Variants in C12orf42 observed in about 807,000 individuals in gnomAD.
The protein encoded by C12orf42 is uncharacterized protein C12orf42.
In C12orf42, 25 loss-of-function variants were observed where a neutral mutation model predicts 21.6. The ratio of observed to expected loss-of-function variants is 1.16; its 90% confidence interval spans 0.84 to 1.62. The LOEUF is 1.62. C12orf42 is among the 40% of genes most tolerant of loss of function. The pLI is 0.00. For synonymous variants in C12orf42, 174 were observed against 175.0 expected (o/e 0.99, Z 0.05); for missense variants, 483 against 459.3 (o/e 1.05, Z -0.47).
intron 2 of C12orf42, among the ~76,000 whole-genome samples, chr12:103,456,992 G>C (rs1445449408): frequency 3.3e-5 from 5 of 152,032 alleles, no homozygotes; most frequent in African/African-American, 1.2e-4. Context: ...ACACTGTTCT[G>C]AAAATGCAAT....
the C12orf42 span, among the ~76,000 whole-genome samples, chr12:103,155,911 G>C: frequency 6.6e-6 from 1 of 150,688 alleles, no homozygotes; most frequent in African/African-American, 2.4e-5. Context: ...TTTGAAACAA[G>C]TTGTGCCTTT....
chr12:103,130,780 G>A, the C12orf42 span, among the ~76,000 whole-genome samples: 1 of 152,208 alleles, frequency 6.6e-6, no homozygotes, highest in Admixed American at 6.5e-5. Flanking sequence ...GATGTGGACT[G>A]ATCCTGGAAG....
chr12:103,091,755 C>T, the C12orf42 span, among the ~76,000 whole-genome samples: 7 of 152,092 alleles, frequency 4.6e-5, no homozygotes, highest in African/African-American at 9.7e-5. Flanking sequence ...CTTTTAGAAA[C>T]GCATTAAACA....
intron 4 of C12orf42, among the ~76,000 whole-genome samples, chr12:103,291,539 T>C (rs1283130964): frequency 2.0e-5 from 3 of 152,168 alleles, no homozygotes; most frequent in South Asian, 2.1e-4. Context: ...CACTCACAGA[T>C]AGCTGACTAG....
At chr12:103,428,553 G>T (rs1182080482) in intron 2 of C12orf42, among the ~76,000 whole-genome samples, 5 of 152,126 alleles carry the variant, frequency 3.3e-5, no homozygotes, top group Non-Finnish European at 7.3e-5. Context: ...AGGAGGAGCT[G>T]GTACCATTCC....
the C12orf42 span, among the ~76,000 whole-genome samples, chr12:103,207,128 T>A: frequency 2.8e-4 from 43 of 152,232 alleles, 1 homozygote; most frequent in Non-Finnish European, 8.8e-5. Flanking sequence ...CATGTCCCTC[T>A]GCCATTAGAG....
intron 5 of C12orf42, among the ~76,000 whole-genome samples, chr12:103,303,461 A>G (rs564062270): frequency 6.6e-6 from 1 of 152,196 alleles, no homozygotes; most frequent in Non-Finnish European, 1.5e-5. Context: ...TGTGCCTTAA[A>G]TAAAAAATGT....
chr12:103,356,965 C>T (rs1386066391), intron 4 of C12orf42, among the ~76,000 whole-genome samples: 1 of 151,798 alleles, frequency 6.6e-6, no homozygotes, highest in African/African-American at 2.4e-5. Flanking sequence ...ACTATGCAGC[C>T]ATAAAAAATG....
At chr12:103,078,270 T>C in the C12orf42 span, among the ~76,000 whole-genome samples, 1 of 152,180 alleles carries the variant, frequency 6.6e-6, no homozygotes, top group Non-Finnish European at 1.5e-5. Flanking sequence ...ATTGAGAAAA[T>C]AGAGGCTTAA....
chr12:103,206,222 T>C, the C12orf42 span, among the ~76,000 whole-genome samples: 1 of 152,246 alleles, frequency 6.6e-6, no homozygotes, highest in Non-Finnish European at 1.5e-5. Flanking sequence ...CAGCCACTGA[T>C]GGAACCACTG....
the C12orf42 span, among the ~76,000 whole-genome samples, chr12:103,196,376 T>C: frequency 6.6e-6 from 1 of 151,994 alleles, no homozygotes; most frequent in South Asian, 2.1e-4. Context: ...TTTTAGAGTA[T>C]ACACCACGTA....
the C12orf42 span, among the ~76,000 whole-genome samples, chr12:103,507,229 A>T: frequency 1.3e-4 from 6 of 47,820 alleles, no homozygotes; most frequent in African/African-American, 1.1e-3. Context: ...ATAAATATAA[A>T]TATATATATA....
intron 4 of C12orf42, among the ~76,000 whole-genome samples, chr12:103,283,146 C>T (rs1055761132): frequency 1.3e-5 from 2 of 152,124 alleles, no homozygotes; most frequent in South Asian, 2.1e-4. Context: ...TTTTAAATTG[C>T]CATCTGGAAT....
At chr12:103,191,194 A>T in the C12orf42 span, among the ~76,000 whole-genome samples, 1 of 152,162 alleles carries the variant, frequency 6.6e-6, no homozygotes, top group Non-Finnish European at 1.5e-5. Context: ...TAAAGAAAAA[A>T]GGTTTCTCAG....
At chr12:103,224,329 G>A in the C12orf42 span, among the ~76,000 whole-genome samples, 2 of 152,152 alleles carry the variant, frequency 1.3e-5, no homozygotes, top group African/African-American at 2.4e-5. Flanking sequence ...AGATTTCCAC[G>A]ATGGAAAGGA....
At chr12:103,071,174 G>A in the C12orf42 span, among the ~76,000 whole-genome samples, 5 of 152,138 alleles carry the variant, frequency 3.3e-5, no homozygotes, top group African/African-American at 1.2e-4. Context: ...CCATGTCATG[G>A]GGCTGCGTTT....
chr12:103,498,056 G>C (rs1206478097), upstream of C12orf42, among the ~76,000 whole-genome samples: 1 of 151,922 alleles, frequency 6.6e-6, no homozygotes, highest in Non-Finnish European at 1.5e-5. Flanking sequence ...AGAAGAAAGA[G>C]AGAAAACTAT....
chr12:103,363,110 AC>A (rs568642976), intron 4 of C12orf42, among the ~76,000 whole-genome samples: 1 of 152,116 alleles, frequency 6.6e-6, no homozygotes, highest in African/African-American at 2.4e-5. Context: ...AGCACCAGGT[AC>A]CCTATGAAGG....
chr12:103,305,945 A>G (rs137908805), intron 5 of C12orf42, 29 bp downstream of exon 5: 1 of 1,567,488 alleles, frequency 6.4e-7, no homozygotes, highest in Non-Finnish European at 8.7e-7. Context: ...TGAAACAAGA[A>G]GAGTCAGTAA....
Sources: allele counts gnomAD v4.1 joint callset (sites outside exome capture counted in the v4.1 genomes callset), GRCh38; gene constraint gnomAD v4.1.1; transcripts MANE v1.5; gene names NCBI Gene and HGNC (gene_info 2026-07-23, HGNC 2026-07-21).